Variants in NETO1 observed in about 807,000 individuals in gnomAD.
NETO1 encodes the protein neuropilin and tolloid-like protein 1.
Under a neutral mutation model 61.3 loss-of-function variants are expected in NETO1, and 26 were observed. The ratio of observed to expected loss-of-function variants is 0.42; its 90% CI spans 0.31 to 0.59. The LOEUF (loss-of-function observed/expected upper bound fraction) is 0.59, where lower values mean the gene tolerates loss of function less well. Ranked by LOEUF, NETO1 falls within the 20% of genes least tolerant of loss-of-function variation. The pLI is 0.12. For synonymous variants in NETO1, 225 were observed against 225.8 expected (o/e 1.00, Z 0.03); for missense variants, 531 against 662.8 (o/e 0.80, Z 2.18).
intron 4 of NETO1, among the ~76,000 whole-genome samples, chr18:72,847,373 T>A (rs1386428550): frequency 2.0e-5 from 3 of 152,174 alleles, no homozygotes; most frequent in Admixed American, 6.5e-5. Context: ...TTCAAGCAAG[T>A]CAGCAGAGCT....
chr18:72,845,688 AAGTAT>A (rs1375817839), intron 4 of NETO1, among the ~76,000 whole-genome samples: 1 of 152,238 alleles, frequency 6.6e-6, no homozygotes, highest in Non-Finnish European at 1.5e-5. Flanking sequence ...CCTTCTGGGG[AAGTAT>A]AGGTTACAGG....
intron 4 of NETO1, among the ~76,000 whole-genome samples, chr18:72,795,327 C>T (rs1466042945): frequency 6.6e-6 from 1 of 152,078 alleles, no homozygotes; most frequent in African/African-American, 2.4e-5. Flanking sequence ...ATGCTTGTAT[C>T]GGACGTCGTG....
chr18:72,866,410 C>T (rs979507152), intron 1 of NETO1, among the ~76,000 whole-genome samples: 1 of 152,082 alleles, frequency 6.6e-6, no homozygotes, highest in Admixed American at 6.5e-5. Context: ...GCTGTTGTTA[C>T]TGTGTGTTTC....
intron 7 of NETO1, among the ~76,000 whole-genome samples, chr18:72,763,170 T>A (rs1181589437): frequency 6.6e-6 from 1 of 151,962 alleles, no homozygotes; most frequent in Non-Finnish European, 1.5e-5. Context: ...CTAAATAATA[T>A]TCAAGAAATA....
intron 7 of NETO1, among the ~76,000 whole-genome samples, chr18:72,779,824 A>G (rs780808179): frequency 9.2e-5 from 14 of 152,190 alleles, no homozygotes; most frequent in Non-Finnish European, 1.9e-4. Flanking sequence ...GGTGGCTTAT[A>G]AAAAACAGGG....
intron 4 of NETO1, among the ~76,000 whole-genome samples, chr18:72,811,036 C>G (rs1386428792): frequency 6.6e-6 from 1 of 152,160 alleles, no homozygotes; most frequent in East Asian, 1.9e-4. Context: ...ATACCAAGAG[C>G]TTGCAATTAT....
intron 7 of NETO1, among the ~76,000 whole-genome samples, chr18:72,770,546 C>T (rs1246820343): frequency 6.6e-6 from 1 of 152,020 alleles, no homozygotes; most frequent in Non-Finnish European, 1.5e-5. Context: ...ATTTATGCTA[C>T]TATATGACAT....
At chr18:72,841,410 C>T (rs1369253481) in intron 4 of NETO1, among the ~76,000 whole-genome samples, 4 of 24,822 alleles carry the variant, frequency 1.6e-4, no homozygotes, top group Non-Finnish European at 3.1e-4. Context: ...AGCAGTATAA[C>T]GAGCAATTGG....
chr18:72,843,597 A>T (rs7238787), intron 4 of NETO1, among the ~76,000 whole-genome samples: 1 of 152,006 alleles, frequency 6.6e-6, no homozygotes, highest in African/African-American at 2.4e-5. Flanking sequence ...GCTCATGTGT[A>T]CCCTTGTGCC....
chr18:72,769,595 T>G (rs777759717), intron 7 of NETO1, among the ~76,000 whole-genome samples: 1 of 152,174 alleles, frequency 6.6e-6, no homozygotes, highest in Non-Finnish European at 1.5e-5. Context: ...TTAGAAAAAT[T>G]AGAAAATACA....
chr18:72,824,856 G>A (rs1482471403), intron 4 of NETO1, among the ~76,000 whole-genome samples: 2 of 152,072 alleles, frequency 1.3e-5, no homozygotes, highest in South Asian at 2.1e-4. Flanking sequence ...TCCAGCCTGC[G>A]CGACAGAGTG....
intron 4 of NETO1, among the ~76,000 whole-genome samples, chr18:72,838,006 C>T (rs2073809114): frequency 6.6e-6 from 1 of 151,902 alleles, no homozygotes; most frequent in South Asian, 2.1e-4. Flanking sequence ...TCTCCCTCCC[C>T]ATCACCATCC....
intron 4 of NETO1, among the ~76,000 whole-genome samples, chr18:72,796,843 T>C (rs1360861742): frequency 6.6e-6 from 1 of 152,160 alleles, no homozygotes; most frequent in Non-Finnish European, 1.5e-5. Flanking sequence ...AATAGGGACA[T>C]CATAGATCAT....
Position 72,756,166 on chromosome 18 carries a change from A to C in NETO1, c.869-19T>G. 8.0e-7 allele frequency: 1 copy of C among 1,252,742 alleles called. No homozygotes were observed. The highest frequency in any genetic ancestry group is 1.2e-6 in the Non-Finnish European group (1 of 855,040). The allele number at this position is 1,252,742 out of a possible 1,614,324, so 77.6% of individuals were successfully genotyped here. A position where few individuals can be genotyped will look rare whatever the true frequency, so the allele number is the denominator to read the frequency against. On this transcript the variant is annotated intron_variant, in intron 7 of 10. Transcript: ENST00000327305. ...CAAGGAGCTAAAAAGAAGAAGAACA[A>C]GACAAAGGAGGAAAGTTATAACTGA...
intron 4 of NETO1, among the ~76,000 whole-genome samples, chr18:72,842,123 T>C (rs1266396570): frequency 6.6e-6 from 1 of 152,202 alleles, no homozygotes; most frequent in Non-Finnish European, 1.5e-5. Flanking sequence ...CAAAATTAAT[T>C]GTTTTAAGGT....
At chr18:72,867,236 G>A in intron 1 of NETO1, 28 bp downstream of exon 1, 3 of 1,532,594 alleles carry the variant, frequency 2.0e-6, no homozygotes, top group Non-Finnish European at 2.6e-6. Context: ...CTCCGGGAGC[G>A]CACGGGCGCG....
intron 4 of NETO1, among the ~76,000 whole-genome samples, chr18:72,829,824 T>C (rs1260426632): frequency 6.6e-6 from 1 of 152,216 alleles, no homozygotes; most frequent in Non-Finnish European, 1.5e-5. Context: ...CTTGCTTTCC[T>C]GTTCTGTCAT....
chr18:72,772,819 CTCTCTCTATATATATATATATATA>C (rs1296044557), intron 7 of NETO1, among the ~76,000 whole-genome samples: 534 of 52,474 alleles, frequency 0.01, 8 homozygotes, highest in African/African-American at 0.032. Flanking sequence ...CTCTCTCTCT[CTCTCTCTATATATATATATATATA>C]TATATATATA....
chr18:72,808,082 C>T (rs555238468), intron 4 of NETO1, among the ~76,000 whole-genome samples: 2 of 152,170 alleles, frequency 1.3e-5, no homozygotes, highest in African/African-American at 2.4e-5. Flanking sequence ...CATTATTATC[C>T]TCTTTTCTCA....
Sources: gnomAD v4.1 joint callset for allele counts (sites outside exome capture counted in the v4.1 genomes callset) on GRCh38, gnomAD v4.1.1 for gene constraint, MANE v1.5 for transcripts, NCBI Gene and HGNC (gene_info 2026-07-23, HGNC 2026-07-21) for gene names.